The following KIF1B variants were observed in gnomAD, a reference collection of about 807,000 sequenced individuals.
KIF1B encodes kinesin-like protein KIF1B.
Under a neutral mutation model 241.9 loss-of-function variants are expected in KIF1B, and 76 were observed. The ratio of observed to expected loss-of-function variants is 0.31; its 90% CI spans 0.26 to 0.38. The LOEUF is 0.38. KIF1B is among the 10% of genes least tolerant of loss of function. The pLI is 1.00. For missense variants in KIF1B, 1,622 were observed against 2,271.4 expected (o/e 0.71, Z 5.81); for synonymous variants, 750 against 796.7 (o/e 0.94, Z 0.99).
chr1:10,374,317 A>C lies in KIF1B; in HGVS notation c.4948A>C (p.Thr1650Pro), dbSNP rs1569930387. 1.4e-5 allele frequency: 23 copies of C among 1,613,822 alleles called. No homozygotes were observed. The highest frequency in any genetic ancestry group is 1.9e-5 in the Non-Finnish European group (23 of 1,179,806). ...DSRSNSLDQK[T>P]PEANSRASSP... Reference sequence around the variant, plus strand: ...CTTTCTAATCTCTCTATTTTAAAGGACCCCAGAAGCCAATTCCCGGGCCTC... The same window carrying C: ...CTTTCTAATCTCTCTATTTTAAAGGCCCCCAGAAGCCAATTCCCGGGCCTC... The change falls in exon 46 of 49, where the codon ACC becomes CCC. Residue 1650 changes from threonine to proline, a missense_variant and splice_region_variant. Around this residue, in one of 7 missense-constraint regions of KIF1B, gnomAD observed 357 missense variants for 409.0 expected, o/e 0.87. Coordinates refer to ENST00000676179, the MANE Select transcript of KIF1B (RefSeq NM_001365951.3). The surrounding 1 kb of genome is among the most constrained non-coding windows in gnomAD (Gnocchi z 4.3).
intron 22 of KIF1B, chr1:10,306,464 T>A: frequency 1.0e-6 from 1 of 991,498 alleles, no homozygotes; most frequent in Non-Finnish European, 1.2e-6. Flanking sequence ...AAATAATAAT[T>A]GCTAGGTTTG....
intron 15 of KIF1B, among the ~76,000 whole-genome samples, chr1:10,289,315 G>A (rs1649870034): frequency 6.6e-6 from 1 of 152,082 alleles, no homozygotes; most frequent in South Asian, 2.1e-4. Context: ...ATCTCCTACT[G>A]TATTCGTTCT....
At chr1:10,347,988 A>C (rs532043382) in intron 36 of KIF1B, among the ~76,000 whole-genome samples, 161 bp downstream of exon 36, 1 of 151,448 alleles carries the variant, frequency 6.6e-6, no homozygotes, top group African/African-American at 2.4e-5. Flanking sequence ...CTGTCTGTAG[A>C]TATTTCTTCC....
intron 2 of KIF1B, among the ~76,000 whole-genome samples, chr1:10,237,874 T>A (rs1409330383): frequency 1.3e-5 from 2 of 151,076 alleles, no homozygotes; most frequent in Non-Finnish European, 3.0e-5. Flanking sequence ...CTGGGTGTGG[T>A]GGTGTGCACC....
intron 4 of KIF1B, among the ~76,000 whole-genome samples, chr1:10,260,967 A>AT (rs199676214): frequency 0.055 from 8,137 of 148,058 alleles, 390 homozygotes; most frequent in African/African-American, 0.13. Context: ...GTATTTTTTA[A>AT]TTTTTTTTTT....
intron 19 of KIF1B, among the ~76,000 whole-genome samples, chr1:10,296,098 C>T (rs2102257289): frequency 6.6e-6 from 1 of 152,250 alleles, no homozygotes; most frequent in Admixed American, 6.5e-5. Flanking sequence ...TAAGTCAACC[C>T]AGCAGAATTT....
intron 22 of KIF1B, among the ~76,000 whole-genome samples, chr1:10,314,969 A>G (rs775129936): frequency 4.0e-5 from 6 of 151,216 alleles, no homozygotes; most frequent in Admixed American, 3.3e-4. Flanking sequence ...TCTTTTTGCT[A>G]TAATAATTCC....
chr1:10,368,240 TGAG>T (rs1258184851), intron 43 of KIF1B, among the ~76,000 whole-genome samples: 1 of 152,144 alleles, frequency 6.6e-6, no homozygotes, highest in Non-Finnish European at 1.5e-5. Context: ...ATTTAGTCAT[TGAG>T]GTTTTTGTTT....
intron 2 of KIF1B, among the ~76,000 whole-genome samples, chr1:10,255,662 T>C (rs1422498768): frequency 6.6e-6 from 1 of 152,174 alleles, no homozygotes; most frequent in Non-Finnish European, 1.5e-5. Context: ...AGGATAAACA[T>C]TGTCACAGAA....
intron 10 of KIF1B, among the ~76,000 whole-genome samples, chr1:10,273,709 C>CAAAAAAAAAAAA (rs56349613): frequency 1.4e-4 from 7 of 49,582 alleles, no homozygotes; most frequent in African/African-American, 5.5e-4. Context: ...TCCTCCTCCT[C>CAAAAAAAAAAAA]AAAAAAAAAA....
At chr1:10,336,848 C>A in intron 29 of KIF1B, 106 bp downstream of exon 29, 1 of 1,168,450 alleles carries the variant, frequency 8.6e-7, no homozygotes, top group Non-Finnish European at 1.3e-6. Context: ...TGCTGGTTGC[C>A]ACAGAGTAGT....
intron 1 of KIF1B, among the ~76,000 whole-genome samples, chr1:10,225,392 A>T (rs77505267): frequency 0.019 from 2,832 of 152,198 alleles, 40 homozygotes; most frequent in Non-Finnish European, 0.028. Flanking sequence ...AACTGAGACA[A>T]GAGAGTCACT....
intron 2 of KIF1B, among the ~76,000 whole-genome samples, chr1:10,242,091 T>TA (rs1368872432): frequency 6.6e-6 from 1 of 152,184 alleles, no homozygotes; most frequent in Admixed American, 6.6e-5. Context: ...GAATAAGAAA[T>TA]ACGAAGTTAG....
chr1:10,257,989 T>C (rs550435678), intron 3 of KIF1B, among the ~76,000 whole-genome samples: 1 of 152,358 alleles, frequency 6.6e-6, no homozygotes, highest in Non-Finnish European at 1.5e-5. Flanking sequence ...GGGGAATCGA[T>C]GTTTTAAACT....
intron 1 of KIF1B, among the ~76,000 whole-genome samples, chr1:10,223,887 G>A (rs2102108997): frequency 6.6e-6 from 1 of 152,122 alleles, no homozygotes; most frequent in Admixed American, 6.6e-5. Context: ...AAAATATTTA[G>A]GTTTAGGTTG....
chr1:10,317,268 G>T (rs564246302), intron 22 of KIF1B, among the ~76,000 whole-genome samples: 2 of 151,510 alleles, frequency 1.3e-5, no homozygotes, highest in South Asian at 4.1e-4. Flanking sequence ...ATGGAATCAT[G>T]AATTCTTTCT....
intron 26 of KIF1B, 71 bp downstream of exon 26, chr1:10,324,966 A>G: frequency 6.4e-7 from 1 of 1,571,406 alleles, no homozygotes; most frequent in Non-Finnish European, 8.8e-7. Context: ...ACCTGAGCAG[A>G]TAATATAAAA....
chr1:10,360,103 C>G (rs1489308377), intron 38 of KIF1B, among the ~76,000 whole-genome samples: 2 of 151,644 alleles, frequency 1.3e-5, no homozygotes, highest in African/African-American at 2.4e-5. Flanking sequence ...ACCCATCTAC[C>G]CAGTTTCTAC....
At chr1:10,273,059 T>C (rs1221909139) in intron 10 of KIF1B, 28 bp downstream of exon 10, 2 of 1,515,282 alleles carry the variant, frequency 1.3e-6, no homozygotes, top group Non-Finnish European at 1.8e-6. Context: ...AGAGATAAAC[T>C]AGAATTGACT....
Sources: gnomAD v4.1 joint callset for allele counts (sites outside exome capture counted in the v4.1 genomes callset) on GRCh38, gnomAD v4.1.1 for gene constraint, gnomAD v4.1.1 regional missense constraint, Gnocchi (gnomAD v3.1) non-coding constraint, MANE v1.5 for transcripts, NCBI Gene and HGNC (gene_info 2026-07-23, HGNC 2026-07-21) for gene names.